Variants in RAB6D observed in about 807,000 individuals in gnomAD.
RAB6D encodes ras-related protein Rab-6D.
Under a neutral mutation model 17.5 loss-of-function variants are expected in RAB6D, and 11 were observed. The observed-to-expected ratio is 0.63, with a 90% confidence interval of 0.39 to 1.04. The LOEUF (loss-of-function observed/expected upper bound fraction) is 1.04, where lower values mean the gene tolerates loss of function less well. Ranked by LOEUF, RAB6D falls within the 50% of genes least tolerant of loss-of-function variation. The pLI, the probability that RAB6D is intolerant of heterozygous loss-of-function variation, is 0.00. For missense variants in RAB6D, 163 were observed against 315.1 expected, an observed-to-expected ratio of 0.52 and a Z score of 3.65; for synonymous variants, 68 against 122.6, an observed-to-expected ratio of 0.55 and a Z score of 2.94.
Position 131,361,462 on chromosome 2 carries a change from G to A in RAB6D, c.*1494C>T, listed in dbSNP as rs1461736070. The A allele has an allele frequency of 6.0e-6, 1 of 167,024 alleles. No individual in the cohort carries two copies. The highest frequency in any genetic ancestry group is 2.4e-5 in the African/African-American group (1 of 41,424). 10.3% of individuals were successfully genotyped at this position (167,024 alleles called of 1,614,324 possible). On this transcript the variant is annotated 3_prime_UTR_variant, in exon 1 of 1. Coordinates refer to ENST00000623617, the MANE Select transcript of RAB6D (RefSeq NM_001077637.3). ...TCATCTTTATACTGTGTTAAGTAAC[G>A]TTTACAACATAAATTCAGCAGGCTT...
rs753127320 is a variant in RAB6D, at chr2:131,363,368, T to C, written c.353A>G (p.Asp118Gly). The C allele has an allele frequency of 6.2e-7, 1 of 1,614,108 alleles. No homozygotes were observed. The highest frequency in any genetic ancestry group is 2.2e-5 in the East Asian group (1 of 44,868). The change falls in exon 1 of 1, where the codon GAT (aspartate) becomes GGT (glycine). Residue 118 changes from aspartate (D) to glycine (G), a missense_variant. By Grantham distance (94) the Asp-to-Gly change is moderately conservative. Coordinates refer to ENST00000623617, the MANE Select transcript of RAB6D (RefSeq NM_001077637.3). The part of the protein sequence containing the change: ...IDDVRTEGGS[D>G]VIITLVGNKT... The stretch of plus-strand genomic sequence containing the variant: ...ATTTCCTACTAGCGTGATGATAACA[T>C]CACTTCCTCCTTCTGTTCTGACATC...
Position 131,362,965 on chromosome 2 carries a change from C to A in RAB6D, c.756G>T (p.Ser252=), listed in dbSNP as rs776008642. The A allele has an allele frequency of 1.2e-6, 2 of 1,606,168 alleles. No homozygotes were observed. The highest frequency in any genetic ancestry group is 8.5e-7 in the Non-Finnish European group (1 of 1,173,986). The change falls in exon 1 of 1, where the codon TCG becomes TCT. Residue 252 remains serine (S), a synonymous_variant. Transcript: ENST00000623617. ...TTGTCAAGCTAATAGATCATCTCCACGAGACAGGCAGCAATGATGAATTGC... is the reference window on the plus strand; with the variant it reads ...TTGTCAAGCTAATAGATCATCTCCAAGAGACAGGCAGCAATGATGAATTGC... ...TFCNSSLLPV[S]WR is the part of the protein sequence containing the mutation.
At position 131,360,854 on chromosome 2, in the gene RAB6D, T is replaced by A. The variant is rs115234389; in HGVS notation, c.*2102A>T. 5.4e-3 allele frequency among the ~76,000 whole-genome samples: 828 copies of A among 152,288 alleles called. 6 individuals carry two copies. Among genetic ancestry groups the A allele is most frequent in the African/African-American group, 0.018 (757 of 41,562 alleles). On this transcript the variant is annotated 3_prime_UTR_variant, in exon 1 of 1. Coordinates refer to ENST00000623617, the MANE Select transcript of RAB6D (RefSeq NM_001077637.3). The stretch of plus-strand genomic sequence containing the variant: ...ATGGTCTAATATTTTCAACATTTTT[T>A]AATTTTTGTTTTGTGTTTTATTTAT...
rs1467408279 is a variant in RAB6D, at chr2:131,363,400, C to T, written c.321G>A (p.Trp107Ter). 2.5e-6 allele frequency: 4 copies of T among 1,613,838 alleles called. No individual in the cohort carries two copies. The South Asian group carries it at 4.4e-5, about 18-fold the overall frequency. The stretch of plus-strand genomic sequence containing the variant: ...CTCCTTCTGTTCTGACATCATCAAT[C>T]CACTTTGTAGTTTGCTGGAATGAGT... ...NVNSFQQTTK[W>*]IDDVRTEGGS... Residue 107 changes from tryptophan (W) to a stop codon, truncating the protein, a stop_gained, in exon 1 of 1, where the codon TGG becomes TGA. Transcript: ENST00000623617. LOFTEE classifies it high-confidence loss of function.
chr2:131,363,760 C>G lies in RAB6D; in HGVS notation c.-40G>C. ...AGCTGTCGCCGCCTCAGCCCAGAGACCTCCCGGACCGATGCTGCTCCAGCC... is the reference window on the plus strand; with the variant it reads ...AGCTGTCGCCGCCTCAGCCCAGAGAGCTCCCGGACCGATGCTGCTCCAGCC... On this transcript the variant is annotated 5_prime_UTR_variant, in exon 1 of 1. Coordinates refer to ENST00000623617, the MANE Select transcript of RAB6D (RefSeq NM_001077637.3). 9.7e-7 allele frequency: 1 copy of G among 1,029,138 alleles called. No individual in the cohort carries two copies. Among genetic ancestry groups the G allele is most frequent in the Non-Finnish European group, 1.5e-6 (1 of 680,706 alleles). 63.8% of individuals were successfully genotyped at this position (1,029,138 alleles called of 1,614,324 possible).
chr2:131,364,008 G>T lies in RAB6D; in HGVS notation c.-288C>A, dbSNP rs1573803391. The T allele has an allele frequency of 1.9e-5, 10 of 518,920 alleles. No homozygotes were observed. In the East Asian group the frequency reaches 3.2e-4, roughly 17 times the overall value. 32.1% of individuals were successfully genotyped at this position (518,920 alleles called of 1,614,324 possible). A position where few individuals can be genotyped will look rare whatever the true frequency, so the allele number is the denominator to read the frequency against. On this transcript the variant is annotated 5_prime_UTR_variant, in exon 1 of 1. Coordinates refer to ENST00000623617, the MANE Select transcript of RAB6D (RefSeq NM_001077637.3). Reference sequence around the variant, plus strand: ...GGTGTGCTTTGGCTTCCCAAGGCTAGGGCCGTTCCCTTCTTCCTCACCCGG... The same window carrying T: ...GGTGTGCTTTGGCTTCCCAAGGCTATGGCCGTTCCCTTCTTCCTCACCCGG...
Position 131,360,960 on chromosome 2 carries a change from C to G in RAB6D, c.*1996G>C, listed in dbSNP as rs1274186355. On this transcript the variant is annotated 3_prime_UTR_variant, in exon 1 of 1. Coordinates refer to ENST00000623617, the MANE Select transcript of RAB6D (RefSeq NM_001077637.3). Reference sequence around the variant, plus strand: ...CTTCACTGCTTTGAAGAACTCCAAGCCAAATAAAAAGACCAATCAATATTA... The same window carrying G: ...CTTCACTGCTTTGAAGAACTCCAAGGCAAATAAAAAGACCAATCAATATTA... 6.6e-6 allele frequency among the ~76,000 whole-genome samples: 1 copy of G among 151,950 alleles called. No homozygotes were observed. The highest frequency in any genetic ancestry group is 1.5e-5 in the Non-Finnish European group (1 of 67,968).
chr2:131,360,530 T>TA lies in RAB6D; in HGVS notation c.*2425dup, dbSNP rs1703411457. 1.3e-5 allele frequency among the ~76,000 whole-genome samples: 2 copies of TA among 152,228 alleles called. No homozygotes were observed. The highest frequency in any genetic ancestry group is 1.3e-4 in the Admixed American group (2 of 15,286). On this transcript the variant is annotated 3_prime_UTR_variant, in exon 1 of 1. Transcript: ENST00000623617. ...AACTTTAATATTCATAGCTTATATT[T>TA]ATCAATAGATTGTCTTAGGAAAAGA...
Position 131,361,809 on chromosome 2 carries a change from T to C in RAB6D, c.*1147A>G, listed in dbSNP as rs1703428428. 6.0e-6 allele frequency: 1 copy of C among 167,054 alleles called. No homozygotes were observed. Among genetic ancestry groups the C allele is most frequent in the African/African-American group, 2.4e-5 (1 of 41,446 alleles). The allele number at this position is 167,054 out of a possible 1,614,324, so 10.3% of individuals were successfully genotyped here. On this transcript the variant is annotated 3_prime_UTR_variant, in exon 1 of 1. Transcript: ENST00000623617. Reference sequence around the variant, plus strand: ...GATCTCATACAAACGAAAACCAGCCTGAAAGACCCAACCTTAAAAAAATGC... The same window carrying C: ...GATCTCATACAAACGAAAACCAGCCCGAAAGACCCAACCTTAAAAAAATGC...
chr2:131,360,776 G>A lies in RAB6D; in HGVS notation c.*2180C>T, dbSNP rs1161778502. ...ATAGCATAGCATTGTGTGTGTGGAT[G>A]TGTGGATGTAAATGGCAGTAAAAGG... is the stretch of plus-strand genomic sequence containing the variant. On this transcript the variant is annotated 3_prime_UTR_variant, in exon 1 of 1. Transcript: ENST00000623617. Among the ~76,000 whole-genome samples, 2 of 152,158 alleles carry A rather than the reference G, an allele frequency of 1.3e-5. No individual in the cohort carries two copies. Among genetic ancestry groups the A allele is most frequent in the African/African-American group, 2.4e-5 (1 of 41,442 alleles).
chr2:131,363,642 T>G lies in RAB6D; in HGVS notation c.79A>C (p.Thr27Pro). The G allele has an allele frequency of 6.9e-7, 1 of 1,440,324 alleles. No homozygotes were observed. Among genetic ancestry groups the G allele is most frequent in the African/African-American group, 1.4e-5 (1 of 73,128 alleles). The allele number at this position is 1,440,324 out of a possible 1,614,324, so 89.2% of individuals were successfully genotyped here. A position where few individuals can be genotyped will look rare whatever the true frequency, so the allele number is the denominator to read the frequency against. The stretch of plus-strand genomic sequence containing the variant: ...TACCTGAATCTGGTGATCAAAGATG[T>G]CTTTGCAACGCTTTGCTCCCCCAGG... ...VFLGEQSVAK[T>P]SLITRFRYDS... is the part of the protein sequence containing the mutation. The change falls in exon 1 of 1, where the codon ACA becomes CCA. Residue 27 changes from threonine (T) to proline (P), a missense_variant. Thr to Pro is a conservative substitution (Grantham distance 38). This residue lies in a region of RAB6D where 19 missense variants were observed against 70.6 expected (regional missense o/e 0.27). Coordinates refer to ENST00000623617, the MANE Select transcript of RAB6D (RefSeq NM_001077637.3).
In RAB6D at chr2:131,360,630, AAAG is replaced by A. The variant is rs1391258076; in HGVS notation, c.*2323_*2325del. Among the ~76,000 whole-genome samples, 3 of 152,204 alleles carry A rather than the reference AAAG, an allele frequency of 2.0e-5. No homozygotes were observed. Among genetic ancestry groups the A allele is most frequent in the African/African-American group, 4.8e-5 (2 of 41,456 alleles). On this transcript the variant is annotated 3_prime_UTR_variant, in exon 1 of 1. Transcript: ENST00000623617. ...AAACAGCAATGTGTTAAAGAATTAT[AAAG>A]AATAATACAAATAACACAATTTAAT... is the stretch of plus-strand genomic sequence containing the variant.
In RAB6D at chr2:131,361,597, C is replaced by T. The variant is rs1703425289; in HGVS notation, c.*1359G>A. On this transcript the variant is annotated 3_prime_UTR_variant, in exon 1 of 1. Transcript: ENST00000623617. Reference sequence around the variant, plus strand: ...AACTAGTGAAGATTAAAAGGGCACACTCCTAGTATATTTGTTTGCAGTGTT... The same window carrying T: ...AACTAGTGAAGATTAAAAGGGCACATTCCTAGTATATTTGTTTGCAGTGTT... 1 of 166,920 alleles carries T rather than the reference C, an allele frequency of 6.0e-6. No individual in the cohort carries two copies. The allele number at this position is 166,920 out of a possible 1,614,324, so 10.3% of individuals were successfully genotyped here.
rs1485792082 is a variant in RAB6D, at chr2:131,361,934, A to G, written c.*1022T>C. On this transcript the variant is annotated 3_prime_UTR_variant, in exon 1 of 1. Transcript: ENST00000623617. ...TTACCTGATCTGCCTCTAGGGGCTTACAAGAAAATGGTTTCCGGTTTCCAT... is the reference window on the plus strand; with the variant it reads ...TTACCTGATCTGCCTCTAGGGGCTTGCAAGAAAATGGTTTCCGGTTTCCAT... 6.0e-6 allele frequency: 1 copy of G among 167,050 alleles called. No homozygotes were observed. The highest frequency in any genetic ancestry group is 1.9e-4 in the East Asian group (1 of 5,202). The allele number at this position is 167,050 out of a possible 1,614,324, so 10.3% of individuals were successfully genotyped here.
At position 131,362,832 on chromosome 2, in the gene RAB6D, A is replaced by G. The variant is rs1703440105; in HGVS notation, c.*124T>C. The stretch of plus-strand genomic sequence containing the variant: ...ATTATCATAACATTAAAAAAGAAAA[A>G]AAATGTTAAGAAAATGTATCTAATT... On this transcript the variant is annotated 3_prime_UTR_variant, in exon 1 of 1. Transcript: ENST00000623617. 3.6e-6 allele frequency: 5 copies of G among 1,394,308 alleles called. No homozygotes were observed. Among genetic ancestry groups the G allele is most frequent in the Non-Finnish European group, 3.8e-6 (4 of 1,039,646 alleles). 86.4% of individuals were successfully genotyped at this position (1,394,308 alleles called of 1,614,324 possible). A position where few individuals can be genotyped will look rare whatever the true frequency, so the allele number is the denominator to read the frequency against.
chr2:131,363,104 CA>C lies in RAB6D; in HGVS notation c.616del (p.Cys206ValfsTer25). ...AGATGACATGGGAGAGTAGCAGGAA[CA>C]ACCCCCTTCGCTGACTGTTTGCTCC... Reference protein sequence around the residue: ...PQEQTVSEGGCSCYSPMSSST... With the variant: ...PQEQTVSEGGXSCYSPMSSST... On this transcript the variant is annotated frameshift_variant, in exon 1 of 1. Transcript: ENST00000623617. LOFTEE classifies it high-confidence loss of function. The C allele has an allele frequency of 1.2e-6, 2 of 1,607,348 alleles. No individual in the cohort carries two copies. The highest frequency in any genetic ancestry group is 1.7e-6 in the Non-Finnish European group (2 of 1,175,522).
Position 131,362,775 on chromosome 2 carries a change from A to G in RAB6D, c.*181T>C. ...ACTGCTCGTTAACCAAGCCATACTC[A>G]TACTGTTGAGATTTCCATCATTTTG... On this transcript the variant is annotated 3_prime_UTR_variant, in exon 1 of 1. Transcript: ENST00000623617. 1 of 637,716 alleles carries G rather than the reference A, an allele frequency of 1.6e-6. No individual in the cohort carries two copies. Among genetic ancestry groups the G allele is most frequent in the Non-Finnish European group, 2.8e-6 (1 of 362,692 alleles). The allele number at this position is 637,716 out of a possible 1,614,324, so 39.5% of individuals were successfully genotyped here. A position where few individuals can be genotyped will look rare whatever the true frequency, so the allele number is the denominator to read the frequency against.
rs71428571 is a variant in RAB6D at position 131,363,341 on chromosome 2, T to C, written c.380A>G (p.Lys127Arg). The change falls in exon 1 of 1, where the codon AAA becomes AGA. Residue 127 changes from lysine to arginine, a missense_variant. Physicochemically the swap from Lys to Arg is conservative, Grantham distance 26. Around this residue, in one of 2 missense-constraint regions of RAB6D, gnomAD observed 144 missense variants for 244.4 expected, o/e 0.59. Transcript: ENST00000623617. ...TTGCCTCTTGTCAGCAAGATCTGTT[T>C]TATTTCCTACTAGCGTGATGATAAC... ...SDVIITLVGN[K>R]TDLADKRQVS... 19,832 of 1,593,692 alleles carry C rather than the reference T, an allele frequency of 0.012. 1,611 individuals are homozygous for C. The African/African-American group carries it at 0.17, about 14-fold the overall frequency.
Position 131,363,876 on chromosome 2 carries a change from GAC to G in RAB6D, c.-158_-157del, listed in dbSNP as rs926877925. On this transcript the variant is annotated 5_prime_UTR_variant, in exon 1 of 1. Coordinates refer to ENST00000623617, the MANE Select transcript of RAB6D (RefSeq NM_001077637.3). Reference sequence around the variant, plus strand: ...GAGGAGCCCGGCTGGAGGGCAGCAGGACTCTCCACAGACTGGCAGCCGCCGCC... The same window carrying G: ...GAGGAGCCCGGCTGGAGGGCAGCAGGTCTCCACAGACTGGCAGCCGCCGCC... 7.6e-7 allele frequency: 1 copy of G among 1,315,252 alleles called. No homozygotes were observed. Among genetic ancestry groups the G allele is most frequent in the African/African-American group, 1.5e-5 (1 of 67,124 alleles). 81.5% of individuals were successfully genotyped at this position (1,315,252 alleles called of 1,614,324 possible).
Sources: allele counts gnomAD v4.1 joint callset (sites outside exome capture counted in the v4.1 genomes callset), GRCh38; gene constraint gnomAD v4.1.1; regional missense constraint gnomAD v4.1.1; transcripts MANE v1.5; gene names NCBI Gene and HGNC (gene_info 2026-07-23, HGNC 2026-07-21).